The following TYW1B variants were observed in gnomAD, a reference collection of about 807,000 sequenced individuals.
The protein encoded by TYW1B is S-adenosyl-L-methionine-dependent tRNA 4-demethylwyosine synthase TYW1B.
In TYW1B, 73 loss-of-function variants were observed where a neutral mutation model predicts 86.9. That is an observed-to-expected ratio of 0.84 (90% confidence interval 0.70 to 1.02). The LOEUF (loss-of-function observed/expected upper bound fraction) is 1.02. Among genes scored for constraint, TYW1B ranks in the 50% least tolerant of loss-of-function variants. The pLI, the probability that TYW1B is intolerant of heterozygous loss-of-function variation, is 0.00. For missense variants in TYW1B, 637 were observed against 827.4 expected, an observed-to-expected ratio of 0.77 and a Z score of 2.82; for synonymous variants, 248 against 292.8, an observed-to-expected ratio of 0.85 and a Z score of 1.56.
At chr7:72,765,429 C>T (rs1274779593) in intron 7 of TYW1B, among the ~76,000 whole-genome samples, 1 of 152,168 alleles carries the variant, frequency 6.6e-6, no homozygotes, top group Admixed American at 6.6e-5. Context: ...TACTTGGTCA[C>T]AGTTCTCCAG....
chr7:72,650,126 G>C (rs1813025662), intron 11 of TYW1B, among the ~76,000 whole-genome samples: 1 of 149,452 alleles, frequency 6.7e-6, no homozygotes, highest in African/African-American at 2.5e-5. Context: ...GTGTTAGCCA[G>C]GATGGTCTCG....
At chr7:72,781,678 C>T (rs1788052990) in intron 6 of TYW1B, among the ~76,000 whole-genome samples, 1 of 152,206 alleles carries the variant, frequency 6.6e-6, no homozygotes, top group Non-Finnish European at 1.5e-5. Context: ...TGTCCACGGT[C>T]TTGCTTTCTC....
intron 9 of TYW1B, among the ~76,000 whole-genome samples, chr7:72,728,265 T>C (rs1400197030): frequency 4.6e-5 from 7 of 152,232 alleles, no homozygotes; most frequent in Admixed American, 4.6e-4. Context: ...AGGTAAATCT[T>C]TCAAGTTGAA....
intron 11 of TYW1B, among the ~76,000 whole-genome samples, chr7:72,659,164 A>AC (rs1813273169): frequency 6.6e-6 from 1 of 151,638 alleles, no homozygotes; most frequent in Admixed American, 6.6e-5. Flanking sequence ...ATGACCTCCC[A>AC]CCCCCGGTGT....
intron 9 of TYW1B, among the ~76,000 whole-genome samples, chr7:72,726,089 G>A (rs1335367217): frequency 1.3e-5 from 2 of 152,174 alleles, no homozygotes; most frequent in Non-Finnish European, 2.9e-5. Flanking sequence ...CAGATGTGGA[G>A]CTTACTAGTT....
intron 6 of TYW1B, among the ~76,000 whole-genome samples, chr7:72,784,759 A>G (rs1461840666): frequency 6.6e-6 from 1 of 152,146 alleles, no homozygotes; most frequent in African/African-American, 2.4e-5. Context: ...CAGCCTCCCA[A>G]AGCACTGGGA....
At chr7:72,682,582 C>T (rs572152695) in intron 11 of TYW1B, among the ~76,000 whole-genome samples, 1 of 152,142 alleles carries the variant, frequency 6.6e-6, no homozygotes, top group African/African-American at 2.4e-5. Flanking sequence ...TTAACCCCTA[C>T]GAGCCTTCTA....
At chr7:72,698,979 C>T (rs2844226) in intron 10 of TYW1B, among the ~76,000 whole-genome samples, 4 of 150,988 alleles carry the variant, frequency 2.6e-5, no homozygotes, top group Non-Finnish European at 4.4e-5. Context: ...GGGATTACTA[C>T]GAACTGGACA....
chr7:72,774,863 T>C (rs1356110327), intron 7 of TYW1B, among the ~76,000 whole-genome samples: 1 of 152,098 alleles, frequency 6.6e-6, no homozygotes, highest in Admixed American at 6.6e-5. Flanking sequence ...AAAAAATCCA[T>C]TGATCCAAGC....
intron 11 of TYW1B, among the ~76,000 whole-genome samples, chr7:72,684,600 T>C (rs35227736): frequency 4.6e-5 from 7 of 152,214 alleles, no homozygotes; most frequent in African/African-American, 7.2e-5. Context: ...GAAAATGATA[T>C]AGGTCAGAAA....
At chr7:72,617,329 T>C (rs1812101120) in intron 12 of TYW1B, among the ~76,000 whole-genome samples, 1 of 152,188 alleles carries the variant, frequency 6.6e-6, no homozygotes, top group African/African-American at 2.4e-5. Context: ...GGCAAACTTT[T>C]TCCTTAAAGT....
At chr7:72,811,194 C>T (rs1266099597) in intron 3 of TYW1B, among the ~76,000 whole-genome samples, 2 of 150,204 alleles carry the variant, frequency 1.3e-5, no homozygotes, top group East Asian at 2.0e-4. Context: ...TGGCGTGAAC[C>T]CAGGAGGCAG....
rs1208160784 is a variant in TYW1B, at chr7:72,728,808, G to A, written c.1192+14C>T. 5.6e-6 allele frequency: 9 copies of A among 1,607,342 alleles called. No homozygotes were observed. Among genetic ancestry groups the A allele is most frequent in the Admixed American group, 1.7e-5 (1 of 59,144 alleles). ...ACAAGTATTAGCATTCCTCTGTAGA[G>A]GGAAGATAAATACCTTTAAACTGCT... On this transcript the variant is annotated intron_variant, in intron 9 of 13. Transcript: ENST00000620995.
intron 13 of TYW1B, among the ~76,000 whole-genome samples, chr7:72,576,063 C>T (rs1191746815): frequency 2.6e-5 from 4 of 152,174 alleles, no homozygotes; most frequent in East Asian, 1.9e-4. Context: ...CTGCTGTTGC[C>T]GCTTTTGATC....
intron 9 of TYW1B, among the ~76,000 whole-genome samples, chr7:72,715,409 T>G (rs1432298014): frequency 6.6e-6 from 1 of 152,202 alleles, no homozygotes; most frequent in Non-Finnish European, 1.5e-5. Context: ...GCATGCAGCT[T>G]GGTTTGTCAG....
chr7:72,585,832 C>T (rs1398989937), intron 13 of TYW1B, among the ~76,000 whole-genome samples: 2 of 152,140 alleles, frequency 1.3e-5, no homozygotes, highest in African/African-American at 4.8e-5. Flanking sequence ...ATGTCTTTAT[C>T]AGCAGCATGA....
chr7:72,713,152 T>A (rs1286026966), intron 10 of TYW1B, among the ~76,000 whole-genome samples: 1 of 129,940 alleles, frequency 7.7e-6, no homozygotes, highest in Non-Finnish European at 1.8e-5. Flanking sequence ...AAAAAAAAAA[T>A]TAGCTGGGCA....
chr7:72,618,227 A>ATT (rs869158136), intron 12 of TYW1B, among the ~76,000 whole-genome samples: 1,199 of 103,744 alleles, frequency 0.012, 39 homozygotes, highest in African/African-American at 0.033. Context: ...ATGACACTGA[A>ATT]TTTTTTTTTT....
intron 13 of TYW1B, among the ~76,000 whole-genome samples, chr7:72,593,293 C>CAAA (rs369019708): frequency 1.4e-5 from 2 of 144,048 alleles, no homozygotes; most frequent in South Asian, 2.2e-4. Context: ...AACTCCATCT[C>CAAA]AAAAAAAGAA....
Sources: gnomAD v4.1 joint callset for allele counts (sites outside exome capture counted in the v4.1 genomes callset) on GRCh38, gnomAD v4.1.1 for gene constraint, MANE v1.5 for transcripts, NCBI Gene and HGNC (gene_info 2026-07-23, HGNC 2026-07-21) for gene names.